MSRA: variants seen among roughly 807,000 people sequenced by gnomAD.
MSRA encodes mitochondrial peptide methionine sulfoxide reductase.
In MSRA, 54 loss-of-function variants were observed where a neutral mutation model predicts 31.3. The ratio of observed to expected loss-of-function variants is 1.73; its 90% CI spans 1.39 to 2.17. The LOEUF is 2.17. Among genes scored for constraint, MSRA ranks in the 30% most tolerant of loss-of-function variants. The pLI is 0.00. For missense variants in MSRA, 507 were observed against 300.9 expected, an observed-to-expected ratio of 1.69 and a Z score of -5.07; for synonymous variants, 169 against 116.5, an observed-to-expected ratio of 1.45 and a Z score of -2.90.
chr8:10,055,175 C>A (rs1180080498), intron 1 of MSRA, among the ~76,000 whole-genome samples: 3 of 119,828 alleles, frequency 2.5e-5, no homozygotes, highest in African/African-American at 9.3e-5. Context: ...CTGGCTGAGT[C>A]ACCCCTAGTC....
chr8:10,120,990 C>T (rs1801066996), intron 1 of MSRA, among the ~76,000 whole-genome samples: 1 of 152,024 alleles, frequency 6.6e-6, no homozygotes, highest in South Asian at 2.1e-4. Context: ...AATATAGATG[C>T]AAAATAAAAA....
chr8:10,197,895 C>A (rs746147427), intron 1 of MSRA, among the ~76,000 whole-genome samples: 1 of 152,132 alleles, frequency 6.6e-6, no homozygotes, highest in African/African-American at 2.4e-5. Context: ...TTCAAGGTGC[C>A]CACAACCCTG....
chr8:10,188,490 C>T (rs1009691201), intron 1 of MSRA, among the ~76,000 whole-genome samples: 4 of 152,104 alleles, frequency 2.6e-5, no homozygotes, highest in Non-Finnish European at 1.5e-5. Flanking sequence ...TTACGGATTT[C>T]GAGTGAATGA....
At chr8:10,308,456 A>G (rs1440288381) in intron 4 of MSRA, among the ~76,000 whole-genome samples, 7 of 152,156 alleles carry the variant, frequency 4.6e-5, no homozygotes, top group Non-Finnish European at 8.8e-5. Flanking sequence ...CCAGTAGTCT[A>G]CTAACTGGCC....
intron 5 of MSRA, among the ~76,000 whole-genome samples, chr8:10,325,590 G>A (rs1355486980): frequency 6.6e-6 from 1 of 152,136 alleles, no homozygotes; most frequent in Non-Finnish European, 1.5e-5. Context: ...ATTTCTGACT[G>A]TTTATTCAGT....
At chr8:10,334,340 G>C (rs1196330216) in intron 5 of MSRA, among the ~76,000 whole-genome samples, 1 of 152,068 alleles carries the variant, frequency 6.6e-6, no homozygotes, top group Non-Finnish European at 1.5e-5. Flanking sequence ...CAACAAAAGG[G>C]CCTTTGTTGT....
At chr8:10,284,430 G>C (rs1055314779) in intron 3 of MSRA, among the ~76,000 whole-genome samples, 6 of 152,136 alleles carry the variant, frequency 3.9e-5, no homozygotes, top group African/African-American at 1.4e-4. Context: ...CTCACCTCAA[G>C]TGAACCACTT....
chr8:10,422,110 C>T (rs770980963), intron 5 of MSRA, among the ~76,000 whole-genome samples: 10 of 152,172 alleles, frequency 6.6e-5, no homozygotes, highest in Non-Finnish European at 1.5e-4. Context: ...TAGGGAGACA[C>T]TGTCTCTATA....
chr8:10,080,787 C>T (rs1366512810), intron 1 of MSRA, among the ~76,000 whole-genome samples: 1 of 151,962 alleles, frequency 6.6e-6, no homozygotes, highest in Non-Finnish European at 1.5e-5. Flanking sequence ...GATCCTCCTG[C>T]CTCGGCCTCC....
chr8:10,219,386 G>T (rs914621413), intron 2 of MSRA, among the ~76,000 whole-genome samples: 1 of 152,140 alleles, frequency 6.6e-6, no homozygotes, highest in African/African-American at 2.4e-5. Flanking sequence ...AAGAAGGGGA[G>T]ATATTTACTG....
At chr8:10,290,127 C>A (rs1254628195) in intron 3 of MSRA, among the ~76,000 whole-genome samples, 5 of 152,186 alleles carry the variant, frequency 3.3e-5, no homozygotes, top group Non-Finnish European at 7.3e-5. Flanking sequence ...CAATGTGGTT[C>A]TTCAGACTCC....
rs114245241 is a variant in MSRA at position 10,426,194 on chromosome 8, A to T, written c.544-1954A>T. Among the ~76,000 whole-genome samples the T allele has an allele frequency of 4.6e-3, 694 of 152,318 alleles. 5 individuals carry two copies. The highest frequency in any genetic ancestry group is 0.016 in the African/African-American group (663 of 41,580). ...GTTAGTTAGCCAACCCCACGTGCTCATTCTTAGAGAGGTTCTGTTCCCTGA... is the reference window on the plus strand; with the variant it reads ...GTTAGTTAGCCAACCCCACGTGCTCTTTCTTAGAGAGGTTCTGTTCCCTGA... On this transcript the variant is annotated intron_variant, in intron 5 of 5. Transcript: ENST00000317173.
chr8:10,125,935 G>A (rs569516079), intron 1 of MSRA, among the ~76,000 whole-genome samples: 19 of 152,290 alleles, frequency 1.2e-4, no homozygotes, highest in African/African-American at 2.9e-4. Context: ...TTTAAAAGGC[G>A]TTGGTCACAA....
chr8:10,070,907 A>C (rs1797700926), intron 1 of MSRA, among the ~76,000 whole-genome samples: 1 of 152,220 alleles, frequency 6.6e-6, no homozygotes, highest in Admixed American at 6.5e-5. Flanking sequence ...ACATTGAAGG[A>C]TATCTAGATT....
At chr8:10,335,617 G>A (rs559644171) in intron 5 of MSRA, among the ~76,000 whole-genome samples, 19 of 152,258 alleles carry the variant, frequency 1.2e-4, no homozygotes, top group Middle Eastern at 3.4e-3. Flanking sequence ...AGAAGTCTTG[G>A]AGGGGAACTG....
chr8:10,373,881 C>G (rs1325457307), intron 5 of MSRA, among the ~76,000 whole-genome samples: 1 of 152,172 alleles, frequency 6.6e-6, no homozygotes. Context: ...GGTGTCTGTA[C>G]AGATCTCTGA....
intron 1 of MSRA, among the ~76,000 whole-genome samples, chr8:10,152,636 C>CT (rs1803799200): frequency 1.3e-5 from 2 of 152,108 alleles, no homozygotes; most frequent in South Asian, 2.1e-4. Flanking sequence ...TACAGAAGTA[C>CT]TTTTTTTCCC....
chr8:10,230,769 A>T (rs1811396620), intron 2 of MSRA, among the ~76,000 whole-genome samples: 1 of 152,020 alleles, frequency 6.6e-6, no homozygotes, highest in Admixed American at 6.5e-5. Context: ...CATCTTACCT[A>T]TTTGTGGGTT....
intron 1 of MSRA, among the ~76,000 whole-genome samples, chr8:10,189,401 G>A (rs926088781): frequency 6.6e-6 from 1 of 152,154 alleles, no homozygotes; most frequent in African/African-American, 2.4e-5. Context: ...AGTAGAGTGA[G>A]TGTAAACCCT....
Sources: gnomAD v4.1 joint callset for allele counts (sites outside exome capture counted in the v4.1 genomes callset) on GRCh38, gnomAD v4.1.1 for gene constraint, MANE v1.5 for transcripts, NCBI Gene and HGNC (gene_info 2026-07-23, HGNC 2026-07-21) for gene names.